Variants in DPH6 observed in about 807,000 individuals in gnomAD.
DPH6 encodes the protein diphthamine biosynthesis 6.
DPH6 carries 33 observed loss-of-function variants against 38.2 expected under a neutral mutation model. The ratio of observed to expected loss-of-function variants is 0.86; its 90% CI spans 0.65 to 1.15. The LOEUF is 1.15. Among genes scored for constraint, DPH6 ranks in the 50% most tolerant of loss-of-function variants. The pLI is 0.00. For missense variants in DPH6, 325 were observed against 320.0 expected, an observed-to-expected ratio of 1.02 and a Z score of -0.12; for synonymous variants, 108 against 103.0, an observed-to-expected ratio of 1.05 and a Z score of -0.30.
At chr15:35,421,261 T>C (rs1009740910) in intron 5 of DPH6, among the ~76,000 whole-genome samples, 3 of 152,134 alleles carry the variant, frequency 2.0e-5, no homozygotes, top group Non-Finnish European at 2.9e-5. Flanking sequence ...AAAACTAACA[T>C]TGAAGAAGAG....
At chr15:35,354,027 A>C (rs999845838) in intron 3 of DPH6, among the ~76,000 whole-genome samples, 5 of 152,056 alleles carry the variant, frequency 3.3e-5, no homozygotes, top group African/African-American at 1.2e-4. Flanking sequence ...TAGGTATTTT[A>C]TTCTGTTTGA....
At chr15:35,232,628 A>G (rs2051526133) in intron 3 of DPH6, among the ~76,000 whole-genome samples, 1 of 152,052 alleles carries the variant, frequency 6.6e-6, no homozygotes. Context: ...ACAACAATAT[A>G]TATATATCCA....
At chr15:35,401,506 A>G (rs1016420304) in intron 6 of DPH6, 2 of 769,760 alleles carry the variant, frequency 2.6e-6, no homozygotes, top group African/African-American at 3.4e-5. Context: ...CAGGAGTGAC[A>G]GCTATGACAG....
rs371799711 is a variant in DPH6, at chr15:35,280,063, T to C, written n.201-59481A>G. On this transcript the variant is annotated intron_variant and non_coding_transcript_variant, in intron 3 of 3. Coordinates refer to the DPH6 transcript ENST00000560386. ...ATTGGCTGGCACCTTGATCTTAGAC[T>C]TCCCAGCCTCCAGAACTGTGAGAAA... Among the ~76,000 whole-genome samples the C allele has an allele frequency of 1.4e-4, 22 of 152,310 alleles. 4 individuals carry two copies. Among genetic ancestry groups the C allele is most frequent in the East Asian group, 7.7e-4 (4 of 5,186 alleles).
At chr15:35,359,218 C>G (rs1266858465) in intron 3 of DPH6, among the ~76,000 whole-genome samples, 1 of 152,038 alleles carries the variant, frequency 6.6e-6, no homozygotes, top group African/African-American at 2.4e-5. Flanking sequence ...AAGGGCCGGT[C>G]TCACTCCCAC....
chr15:35,196,697 T>C, the DPH6 span, among the ~76,000 whole-genome samples: 8 of 152,232 alleles, frequency 5.3e-5, no homozygotes, highest in Non-Finnish European at 7.3e-5. Context: ...CCAAGTTATT[T>C]GTGTCCTTGT....
At chr15:35,397,624 A>G (rs1199634029) in intron 6 of DPH6, among the ~76,000 whole-genome samples, 2 of 152,102 alleles carry the variant, frequency 1.3e-5, no homozygotes, top group East Asian at 3.9e-4. Context: ...AATAACCAAA[A>G]GGGTAAGGAG....
chr15:35,455,694 T>C (rs1016271476), intron 3 of DPH6, among the ~76,000 whole-genome samples: 1 of 152,156 alleles, frequency 6.6e-6, no homozygotes, highest in Admixed American at 6.6e-5. Context: ...GGAACTGTTA[T>C]CTAGAAAACA....
chr15:35,366,067 T>C, downstream of DPH6: 1 of 966,368 alleles, frequency 1.0e-6, no homozygotes, highest in African/African-American at 1.8e-5. Flanking sequence ...ACTTTCTTTG[T>C]CCTATTTGTA....
chr15:35,258,861 A>G (rs2051724767), intron 3 of DPH6, among the ~76,000 whole-genome samples: 1 of 151,684 alleles, frequency 6.6e-6, no homozygotes, highest in African/African-American at 2.4e-5. Flanking sequence ...TAAGATTCCT[A>G]CTATGGGCCG....
At chr15:35,267,948 A>G (rs890428358) in intron 3 of DPH6, among the ~76,000 whole-genome samples, 4 of 152,152 alleles carry the variant, frequency 2.6e-5, no homozygotes, top group Non-Finnish European at 5.9e-5. Context: ...AGGCCGGCAG[A>G]TCATGAGGTC....
chr15:35,238,922 A>G (rs1334451319), intron 3 of DPH6, among the ~76,000 whole-genome samples: 4 of 148,664 alleles, frequency 2.7e-5, no homozygotes, highest in African/African-American at 7.4e-5. Context: ...ACCTTCCCAA[A>G]TCCTATAAAA....
At chr15:35,151,709 T>C in the DPH6 span, among the ~76,000 whole-genome samples, 5 of 152,294 alleles carry the variant, frequency 3.3e-5, no homozygotes, top group East Asian at 9.6e-4. Context: ...AGCTACTGGG[T>C]TGTGTTCTGG....
At chr15:35,346,288 C>CACA (rs369279178) in intron 3 of DPH6, among the ~76,000 whole-genome samples, 33 of 152,134 alleles carry the variant, frequency 2.2e-4, no homozygotes, top group Middle Eastern at 3.4e-3. Context: ...GTGAAGTCAT[C>CACA]TACTCTTGGA....
At chr15:35,503,830 C>A (rs1271254828) in intron 3 of DPH6, among the ~76,000 whole-genome samples, 1 of 152,020 alleles carries the variant, frequency 6.6e-6, no homozygotes, top group African/African-American at 2.4e-5. Flanking sequence ...AACAAAGGCA[C>A]AGAGAGGTAA....
At chr15:35,458,474 T>C (rs565615494) in intron 3 of DPH6, among the ~76,000 whole-genome samples, 2 of 151,738 alleles carry the variant, frequency 1.3e-5, no homozygotes, top group East Asian at 1.9e-4. Flanking sequence ...AAGGGCAAAA[T>C]AGATATTTAA....
intron 3 of DPH6, chr15:35,489,738 G>C (rs1269769374): frequency 1.0e-6 from 1 of 979,724 alleles, no homozygotes; most frequent in African/African-American, 1.8e-5. Flanking sequence ...TTCTGGAACA[G>C]TATACAGAAA....
intron 4 of DPH6, 72 bp downstream of exon 4, chr15:35,454,675 T>C (rs1460783874): frequency 4.7e-5 from 60 of 1,265,588 alleles, no homozygotes; most frequent in Non-Finnish European, 6.8e-5. Context: ...TTGAATATGA[T>C]TATTATTTTT....
intron 3 of DPH6, among the ~76,000 whole-genome samples, chr15:35,335,829 C>G (rs10162910): frequency 0.029 from 4,467 of 152,190 alleles, 221 homozygotes; most frequent in African/African-American, 0.1. Flanking sequence ...ATGCCTCCAG[C>G]TTTGTTCTTT....
Sources: allele counts gnomAD v4.1 joint callset (sites outside exome capture counted in the v4.1 genomes callset), GRCh38; gene constraint gnomAD v4.1.1; transcripts MANE v1.5; gene names NCBI Gene and HGNC (gene_info 2026-07-23, HGNC 2026-07-21).